Variants in RAPGEF1 observed in about 807,000 individuals in gnomAD.
The protein encoded by RAPGEF1 is Rap guanine nucleotide exchange factor 1.
RAPGEF1 carries 33 observed loss-of-function variants against 143.3 expected under a neutral mutation model. The ratio of observed to expected loss-of-function variants is 0.23; its 90% CI spans 0.17 to 0.31. The LOEUF is 0.31. RAPGEF1 is among the 10% of genes least tolerant of loss of function. RAPGEF1 has a pLI of 1.00. For synonymous variants in RAPGEF1, 629 were observed against 676.5 expected (o/e 0.93, Z 1.09); for missense variants, 1,199 against 1,645.4 (o/e 0.73, Z 4.69).
intron 25 of RAPGEF1, 70 bp downstream of exon 25, chr9:131,582,535 G>T: frequency 1.7e-6 from 2 of 1,148,254 alleles, no homozygotes; most frequent in Non-Finnish European, 2.4e-6. Flanking sequence ...GCTGGAGCCT[G>T]ACAGATCTTC....
At chr9:131,618,788 T>C (rs752889855) in intron 12 of RAPGEF1, among the ~76,000 whole-genome samples, 2 of 152,180 alleles carry the variant, frequency 1.3e-5, no homozygotes, top group Admixed American at 6.5e-5. Flanking sequence ...AAGGCTAAAA[T>C]GTCTCTGTCA....
intron 1 of RAPGEF1, among the ~76,000 whole-genome samples, chr9:131,660,047 T>C (rs1588856669): frequency 6.6e-6 from 1 of 152,192 alleles, no homozygotes; most frequent in East Asian, 1.9e-4. Flanking sequence ...CTCGATCTCC[T>C]GACTCCGTGA....
At chr9:131,724,622 G>A (rs4740304) in intron 1 of RAPGEF1, among the ~76,000 whole-genome samples, 113,204 of 152,032 alleles carry the variant, frequency 0.74, 42,440 homozygotes, top group East Asian at 0.84. Context: ...CTCCTGTCCT[G>A]AAACACCAGG....
At chr9:131,685,353 C>T (rs1833255027) in intron 1 of RAPGEF1, among the ~76,000 whole-genome samples, 1 of 152,218 alleles carries the variant, frequency 6.6e-6, no homozygotes, top group Non-Finnish European at 1.5e-5. Context: ...CAAAACTGGC[C>T]ATAAACAATC....
chr9:131,611,590 A>G (rs1410563), intron 12 of RAPGEF1, among the ~76,000 whole-genome samples: 131,482 of 152,242 alleles, frequency 0.86, 56,983 homozygotes, highest in African/African-American at 0.93. Context: ...GATCTGAATA[A>G]CATCAACCCT....
At chr9:131,602,851 T>G (rs1405102521) in intron 14 of RAPGEF1, among the ~76,000 whole-genome samples, 2 of 152,186 alleles carry the variant, frequency 1.3e-5, no homozygotes, top group African/African-American at 4.8e-5. Context: ...ATCCCTGGTC[T>G]GCTGCTGAGC....
chr9:131,693,137 T>C (rs188408133), intron 1 of RAPGEF1, among the ~76,000 whole-genome samples: 39 of 152,280 alleles, frequency 2.6e-4, no homozygotes, highest in African/African-American at 9.1e-4. Flanking sequence ...AAATGTTCTC[T>C]CTCTGGCTGG....
chr9:131,664,486 T>A (rs1412749514), intron 1 of RAPGEF1, among the ~76,000 whole-genome samples: 2 of 152,220 alleles, frequency 1.3e-5, no homozygotes, highest in African/African-American at 4.8e-5. Context: ...AATACTGTTA[T>A]TTCTTACTGC....
chr9:131,599,961 T>C (rs560163915), intron 15 of RAPGEF1, among the ~76,000 whole-genome samples: 3 of 152,088 alleles, frequency 2.0e-5, no homozygotes, highest in East Asian at 1.9e-4. Flanking sequence ...CTACTAAAAA[T>C]ACAAAAACTA....
chr9:131,588,716 C>A, intron 20 of RAPGEF1, 85 bp downstream of exon 20: 1 of 1,375,772 alleles, frequency 7.3e-7, no homozygotes, highest in Non-Finnish European at 9.8e-7. Flanking sequence ...CAGGATGGGG[C>A]TGTGGGGCTG....
chr9:131,609,447 C>G (rs1957664127), intron 12 of RAPGEF1, among the ~76,000 whole-genome samples: 1 of 152,110 alleles, frequency 6.6e-6, no homozygotes, highest in African/African-American at 2.4e-5. Context: ...CCATGCAATC[C>G]CACAGCTCTG....
intron 1 of RAPGEF1, among the ~76,000 whole-genome samples, chr9:131,690,125 A>C (rs1833676253): frequency 6.6e-6 from 1 of 152,236 alleles, no homozygotes; most frequent in Non-Finnish European, 1.5e-5. Context: ...CTCACTCCCT[A>C]GTTTTCACTA....
At chr9:131,661,155 G>A (rs986458844) in intron 1 of RAPGEF1, among the ~76,000 whole-genome samples, 4 of 152,218 alleles carry the variant, frequency 2.6e-5, no homozygotes, top group Non-Finnish European at 4.4e-5. Flanking sequence ...CCACTCCAAA[G>A]AACGCCTGTG....
intron 1 of RAPGEF1, among the ~76,000 whole-genome samples, chr9:131,710,177 A>T (rs1835408936): frequency 6.6e-6 from 1 of 152,180 alleles, no homozygotes; most frequent in African/African-American, 2.4e-5. Context: ...TCTATTTCAG[A>T]GTCCCACGCT....
intron 19 of RAPGEF1, among the ~76,000 whole-genome samples, chr9:131,589,244 G>T (rs1335890883): frequency 6.6e-6 from 1 of 152,198 alleles, no homozygotes; most frequent in African/African-American, 2.4e-5. Context: ...GACTGTGCTG[G>T]GGCCTGGGCT....
intron 1 of RAPGEF1, among the ~76,000 whole-genome samples, chr9:131,723,526 T>C (rs1326460214): frequency 6.6e-6 from 1 of 152,246 alleles, no homozygotes; most frequent in Admixed American, 6.5e-5. Context: ...TGGAATCATA[T>C]GGTACTTGTC....
At chr9:131,683,239 A>G (rs1160003230) in intron 1 of RAPGEF1, among the ~76,000 whole-genome samples, 1 of 152,232 alleles carries the variant, frequency 6.6e-6, no homozygotes, top group African/African-American at 2.4e-5. Flanking sequence ...AGCCTCCGGA[A>G]CCTATATCTT....
intron 17 of RAPGEF1, among the ~76,000 whole-genome samples, chr9:131,595,516 T>A (rs1043411811): frequency 2.0e-5 from 3 of 152,182 alleles, no homozygotes; most frequent in Non-Finnish European, 4.4e-5. Context: ...ACAATTTACT[T>A]CACCATTGCT....
At position 131,650,133 on chromosome 9, in the gene RAPGEF1, T is replaced by C. The variant is rs1422042195; in HGVS notation, c.311A>G (p.Gln104Arg). Residue 104 changes from glutamine (Q) to arginine (R), a missense_variant, in exon 3 of 27, where the codon CAG becomes CGG. Gln to Arg is a conservative substitution (Grantham distance 43). Coordinates refer to ENST00000683357, the MANE Select transcript of RAPGEF1 (RefSeq NM_001377935.1). The surrounding 1 kb of genome is among the most constrained non-coding windows in gnomAD (Gnocchi z 4.7). ...TSAVASRSQR[Q>R]KNLSWLEEKE... The stretch of plus-strand genomic sequence containing the variant: ...TGTTCTTAATGTTACACTGACCTTC[T>C]GCCTTTGAGACCTGGAAGCCACAGC... 1.2e-6 allele frequency: 2 copies of C among 1,610,120 alleles called. No individual in the cohort carries two copies. Among genetic ancestry groups the C allele is most frequent in the African/African-American group, 2.7e-5 (2 of 74,870 alleles).
Sources: allele counts gnomAD v4.1 joint callset (sites outside exome capture counted in the v4.1 genomes callset), GRCh38; gene constraint gnomAD v4.1.1; non-coding constraint Gnocchi (gnomAD v3.1); transcripts MANE v1.5; gene names NCBI Gene and HGNC (gene_info 2026-07-23, HGNC 2026-07-21).